The following CLNK variants were observed in gnomAD, a reference collection of about 807,000 sequenced individuals.
CLNK encodes the protein cytokine dependent hematopoietic cell linker.
Under a neutral mutation model 68.6 loss-of-function variants are expected in CLNK, and 74 were observed. The ratio of observed to expected loss-of-function variants is 1.08; its 90% CI spans 0.89 to 1.31. The LOEUF (loss-of-function observed/expected upper bound fraction) is 1.31, where lower values mean the gene tolerates loss of function less well. CLNK is among the 50% of genes most tolerant of loss of function. The pLI, the probability that CLNK is intolerant of heterozygous loss-of-function variation, is 0.00. For synonymous variants in CLNK, 198 were observed against 172.2 expected (o/e 1.15, Z -1.17); for missense variants, 553 against 515.3 (o/e 1.07, Z -0.71).
intron 2 of CLNK, among the ~76,000 whole-genome samples, chr4:10,655,180 T>C (rs1723919476): frequency 6.6e-6 from 1 of 151,674 alleles, no homozygotes; most frequent in Non-Finnish European, 1.5e-5. Context: ...TGAAACATTG[T>C]GGCATTATGT....
the CLNK span, among the ~76,000 whole-genome samples, chr4:10,730,904 T>TAC: frequency 3.9e-5 from 6 of 152,014 alleles, no homozygotes; most frequent in South Asian, 4.2e-4. Context: ...CATGCACACA[T>TAC]ACACACACAC....
At chr4:10,534,418 A>G (rs1474546821) in intron 11 of CLNK, among the ~76,000 whole-genome samples, 1 of 152,150 alleles carries the variant, frequency 6.6e-6, no homozygotes, top group African/African-American at 2.4e-5. Context: ...TAAAGATATT[A>G]CCTTTTACTA....
At chr4:10,698,872 C>A in the CLNK span, among the ~76,000 whole-genome samples, 2 of 152,274 alleles carry the variant, frequency 1.3e-5, no homozygotes, top group South Asian at 4.1e-4. Flanking sequence ...TAGGTCTCAT[C>A]TGATCGACTG....
At chr4:10,648,947 C>T (rs1723624300) in intron 2 of CLNK, among the ~76,000 whole-genome samples, 1 of 152,054 alleles carries the variant, frequency 6.6e-6, no homozygotes, top group African/African-American at 2.4e-5. Context: ...TATAGATTAG[C>T]CCTTGAATCC....
chr4:10,597,365 A>G (rs1022579157), intron 3 of CLNK, among the ~76,000 whole-genome samples: 5 of 150,612 alleles, frequency 3.3e-5, no homozygotes, highest in African/African-American at 1.2e-4. Context: ...GTAGAGCTGG[A>G]TTTGACTTTA....
intron 4 of CLNK, among the ~76,000 whole-genome samples, chr4:10,574,992 C>T (rs932169359): frequency 2.6e-5 from 4 of 152,296 alleles, no homozygotes; most frequent in Non-Finnish European, 4.4e-5. Context: ...TTGTTGGAGA[C>T]GTGAGTCTTG....
At chr4:10,730,434 C>A in the CLNK span, among the ~76,000 whole-genome samples, 1 of 152,142 alleles carries the variant, frequency 6.6e-6, no homozygotes, top group Non-Finnish European at 1.5e-5. Flanking sequence ...TCCCATTCAG[C>A]CTTCATTGGT....
chr4:10,604,029 G>A (rs946988431), intron 2 of CLNK, among the ~76,000 whole-genome samples: 14 of 152,178 alleles, frequency 9.2e-5, no homozygotes, highest in Non-Finnish European at 1.6e-4. Context: ...CCCGGGGAGC[G>A]AGTAGACTGG....
At chr4:10,571,142 G>T (rs1329228700) in intron 5 of CLNK, among the ~76,000 whole-genome samples, 1 of 152,028 alleles carries the variant, frequency 6.6e-6, no homozygotes, top group Non-Finnish European at 1.5e-5. Flanking sequence ...GCACTTGCCG[G>T]CACAGTGTAT....
intron 2 of CLNK, among the ~76,000 whole-genome samples, chr4:10,622,345 C>T (rs568189944): frequency 6.6e-6 from 1 of 152,254 alleles, no homozygotes; most frequent in African/African-American, 2.4e-5. Context: ...ATGTTTTCTC[C>T]AGACAAGTAT....
chr4:10,566,513 C>T (rs982495411), intron 5 of CLNK, among the ~76,000 whole-genome samples: 1 of 152,152 alleles, frequency 6.6e-6, no homozygotes, highest in Non-Finnish European at 1.5e-5. Context: ...AGAGGACTTA[C>T]TTGCAAATAA....
At chr4:10,634,324 G>C (rs984975486) in intron 2 of CLNK, among the ~76,000 whole-genome samples, 1 of 152,208 alleles carries the variant, frequency 6.6e-6, no homozygotes, top group South Asian at 2.1e-4. Context: ...TGTCCCCCAC[G>C]TTAGCACCGA....
At chr4:10,555,385 C>G (rs920101390) in intron 8 of CLNK, among the ~76,000 whole-genome samples, 1 of 152,130 alleles carries the variant, frequency 6.6e-6, no homozygotes, top group African/African-American at 2.4e-5. Context: ...GAAAAATAAA[C>G]CACGCTGTAT....
At chr4:10,730,129 G>A in the CLNK span, among the ~76,000 whole-genome samples, 1 of 152,172 alleles carries the variant, frequency 6.6e-6, no homozygotes, top group East Asian at 1.9e-4. Context: ...TCACGCCACT[G>A]CATCATGAGT....
intron 2 of CLNK, among the ~76,000 whole-genome samples, chr4:10,631,488 A>C (rs548862849): frequency 2.6e-5 from 4 of 152,276 alleles, no homozygotes; most frequent in African/African-American, 7.2e-5. Flanking sequence ...TAAGTTTTGC[A>C]GATCTTTGCA....
intron 16 of CLNK, among the ~76,000 whole-genome samples, chr4:10,511,287 G>C (rs1456700547): frequency 1.3e-5 from 2 of 152,138 alleles, no homozygotes; most frequent in Non-Finnish European, 2.9e-5. Context: ...GCTGTGTCAC[G>C]GGCCATGGTC....
At chr4:10,532,327 A>C in intron 11 of CLNK, 44 bp from the exon 12 acceptor site, 1 of 1,511,774 alleles carries the variant, frequency 6.6e-7, no homozygotes, top group Non-Finnish European at 9.2e-7. Context: ...CACAGTTCAT[A>C]ATGACCAAGA....
chr4:10,705,407 T>C, the CLNK span, among the ~76,000 whole-genome samples: 3 of 152,236 alleles, frequency 2.0e-5, no homozygotes, highest in Non-Finnish European at 1.5e-5. Flanking sequence ...CTTATATTTC[T>C]GAAGGCCAGA....
intron 1 of CLNK, among the ~76,000 whole-genome samples, chr4:10,679,396 C>T (rs554928468): frequency 6.6e-6 from 1 of 152,144 alleles, no homozygotes; most frequent in South Asian, 2.1e-4. Context: ...CATGTTAGAC[C>T]TAAAACCATA....
Sources: allele counts gnomAD v4.1 joint callset (sites outside exome capture counted in the v4.1 genomes callset), GRCh38; gene constraint gnomAD v4.1.1; transcripts MANE v1.5; gene names NCBI Gene and HGNC (gene_info 2026-07-23, HGNC 2026-07-21).